The following AGBL4 variants were observed in gnomAD, a reference collection of about 807,000 sequenced individuals.
AGBL4 encodes the protein AGBL carboxypeptidase 4.
Under a neutral mutation model 66.4 loss-of-function variants are expected in AGBL4, and 58 were observed. The ratio of observed to expected loss-of-function variants is 0.87; its 90% CI spans 0.71 to 1.09. The LOEUF (loss-of-function observed/expected upper bound fraction) is 1.09, where lower values mean the gene tolerates loss of function less well. Ranked by LOEUF, AGBL4 falls within the 50% of genes least tolerant of loss-of-function variation. The probability of loss-of-function intolerance (pLI) is 0.00; values close to 1 mark genes in which losing one functional copy is unlikely to be tolerated. For synonymous variants in AGBL4, 234 were observed against 222.9 expected (o/e 1.05, Z -0.44); for missense variants, 579 against 631.0 (o/e 0.92, Z 0.88).
At chr1:49,002,958 G>A (rs905594991) in intron 5 of AGBL4, among the ~76,000 whole-genome samples, 10 of 152,192 alleles carry the variant, frequency 6.6e-5, no homozygotes, top group Non-Finnish European at 1.0e-4. Context: ...CTACCTCCTT[G>A]GTTCAGCTTT....
intron 3 of AGBL4, among the ~76,000 whole-genome samples, chr1:49,308,525 A>G (rs936067011): frequency 1.3e-5 from 2 of 152,128 alleles, no homozygotes; most frequent in Non-Finnish European, 2.9e-5. Context: ...GGTCCAGAAA[A>G]AAAAAAGAAA....
intron 2 of AGBL4, among the ~76,000 whole-genome samples, chr1:49,833,926 A>G (rs554814884): frequency 1.6e-4 from 25 of 152,172 alleles, no homozygotes; most frequent in African/African-American, 5.8e-4. Context: ...ATATACAATC[A>G]TGTCATCTGC....
chr1:48,702,136 C>T (rs967919071), intron 6 of AGBL4, among the ~76,000 whole-genome samples: 2 of 152,154 alleles, frequency 1.3e-5, no homozygotes, highest in Non-Finnish European at 2.9e-5. Context: ...ATGTCCTGTC[C>T]CTAAACCTTG....
intron 4 of AGBL4, among the ~76,000 whole-genome samples, chr1:49,133,559 T>C (rs1194538052): frequency 6.6e-6 from 1 of 152,116 alleles, no homozygotes; most frequent in East Asian, 1.9e-4. Flanking sequence ...CTCCATCAAA[T>C]TGTCAACTAT....
At chr1:49,139,648 G>A (rs768945259) in intron 4 of AGBL4, among the ~76,000 whole-genome samples, 3 of 152,072 alleles carry the variant, frequency 2.0e-5, no homozygotes, top group Non-Finnish European at 4.4e-5. Context: ...ATAATAATTG[G>A]TACTGGATAA....
intron 2 of AGBL4, chr1:49,845,363 T>C (rs1411524228): frequency 1.4e-6 from 2 of 1,419,252 alleles, no homozygotes; most frequent in African/African-American, 1.4e-5. Flanking sequence ...TTCAGTTTTA[T>C]GTCCTCCTTT....
chr1:49,939,912 GC>G (rs1462991050), intron 1 of AGBL4, among the ~76,000 whole-genome samples: 1 of 152,084 alleles, frequency 6.6e-6, no homozygotes. Context: ...GAGTGAATAG[GC>G]AACCTATAAA....
intron 6 of AGBL4, among the ~76,000 whole-genome samples, chr1:48,741,764 C>A (rs544213770): frequency 4.6e-5 from 7 of 152,174 alleles, no homozygotes; most frequent in Non-Finnish European, 8.8e-5. Context: ...GAAAAATGAA[C>A]CAACACATGA....
intron 6 of AGBL4, among the ~76,000 whole-genome samples, chr1:48,681,280 G>A (rs1646450725): frequency 6.6e-6 from 1 of 152,222 alleles, no homozygotes; most frequent in Non-Finnish European, 1.5e-5. Context: ...AAGTCGGGGT[G>A]CAGACAGCAC....
chr1:49,217,441 C>T (rs141046335), intron 4 of AGBL4, among the ~76,000 whole-genome samples: 3 of 152,266 alleles, frequency 2.0e-5, no homozygotes, highest in African/African-American at 4.8e-5. Context: ...CTCTTTCACA[C>T]TTCAAGATTC....
At chr1:49,712,413 A>G (rs1381697578) in intron 2 of AGBL4, among the ~76,000 whole-genome samples, 1 of 151,936 alleles carries the variant, frequency 6.6e-6, no homozygotes, top group Non-Finnish European at 1.5e-5. Flanking sequence ...ATATAGAAAC[A>G]AAGAGTAGAA....
chr1:49,427,131 G>C (rs1011177667), intron 3 of AGBL4, among the ~76,000 whole-genome samples: 1 of 151,976 alleles, frequency 6.6e-6, no homozygotes, highest in African/African-American at 2.4e-5. Flanking sequence ...AGGAAAGAAA[G>C]AAAAAACATT....
intron 3 of AGBL4, among the ~76,000 whole-genome samples, chr1:49,650,987 G>A (rs1197769377): frequency 2.6e-5 from 4 of 152,146 alleles, no homozygotes. Flanking sequence ...CTTGCAGACA[G>A]GGCATGGGCC....
intron 5 of AGBL4, among the ~76,000 whole-genome samples, chr1:49,031,113 A>C (rs1664188816): frequency 2.6e-5 from 4 of 152,112 alleles, no homozygotes; most frequent in African/African-American, 7.2e-5. Flanking sequence ...CTTTTGAAAC[A>C]GTTTCACTTT....
chr1:48,736,536 T>G lies in AGBL4; in HGVS notation c.635-73295A>C. On this transcript the variant is annotated intron_variant, in intron 6 of 13. Coordinates refer to ENST00000371839, the MANE Select transcript of AGBL4 (RefSeq NM_032785.4). The surrounding 1 kb of genome is among the most constrained non-coding windows in gnomAD (Gnocchi z 4.0). ...TCTCTTGTCCTTTAAAAAGCATTGC[T>G]GCACAACTGTAAGAGATTCATGTCA... 1 of 1,153,886 alleles carries G rather than the reference T, an allele frequency of 8.7e-7. No homozygotes were observed. Among genetic ancestry groups the G allele is most frequent in the Non-Finnish European group, 1.3e-6 (1 of 781,904 alleles). 71.5% of individuals were successfully genotyped at this position (1,153,886 alleles called of 1,614,324 possible).
chr1:49,864,158 C>T (rs1291233919), intron 1 of AGBL4, among the ~76,000 whole-genome samples: 1 of 151,982 alleles, frequency 6.6e-6, no homozygotes, highest in Non-Finnish European at 1.5e-5. Flanking sequence ...AAGCCAGGTA[C>T]AGAAAGACAA....
In AGBL4 at chr1:49,311,506, C is replaced by T. The variant is rs976421648; in HGVS notation, c.283-65642G>A. The stretch of plus-strand genomic sequence containing the variant: ...CCAGCTCCAAAACATGATAAAAATA[C>T]TTTATGCCTAATAGCAACAAAAATA... On this transcript the variant is annotated intron_variant, in intron 3 of 13. Transcript: ENST00000371839. 2.0e-5 allele frequency among the ~76,000 whole-genome samples: 3 copies of T among 151,964 alleles called. 1 individual carries two copies. The highest frequency in any genetic ancestry group is 2.0e-4 in the Admixed American group (3 of 15,210).
At chr1:48,755,316 T>C (rs1268120899) in intron 6 of AGBL4, among the ~76,000 whole-genome samples, 1 of 152,132 alleles carries the variant, frequency 6.6e-6, no homozygotes, top group Non-Finnish European at 1.5e-5. Flanking sequence ...GGTGAGTAAA[T>C]AATGATTCTT....
chr1:50,010,666 C>T (rs1486489157), intron 1 of AGBL4, among the ~76,000 whole-genome samples: 1 of 152,146 alleles, frequency 6.6e-6, no homozygotes, highest in Non-Finnish European at 1.5e-5. Flanking sequence ...CAAATCCACA[C>T]ACATACAATG....
Sources: allele counts gnomAD v4.1 joint callset (sites outside exome capture counted in the v4.1 genomes callset), GRCh38; gene constraint gnomAD v4.1.1; non-coding constraint Gnocchi (gnomAD v3.1); transcripts MANE v1.5; gene names NCBI Gene and HGNC (gene_info 2026-07-23, HGNC 2026-07-21).